The following GALNT3 variants were observed in gnomAD, a reference collection of about 807,000 sequenced individuals.
GALNT3 encodes the protein polypeptide N-acetylgalactosaminyltransferase 3.
A neutral mutation model predicts 69.8 loss-of-function variants in GALNT3; 51 were observed. The ratio of observed to expected loss-of-function variants is 0.73; its 90% CI spans 0.58 to 0.92. The LOEUF is 0.92. Among genes scored for constraint, GALNT3 ranks in the 40% least tolerant of loss-of-function variants. The pLI is 0.00. For missense variants in GALNT3, 711 were observed against 760.0 expected (o/e 0.94, Z 0.76); for synonymous variants, 265 against 248.5 (o/e 1.07, Z -0.63).
At chr2:165,753,047 GGC>G (rs1688381565) in intron 9 of GALNT3, among the ~76,000 whole-genome samples, 2 of 152,076 alleles carry the variant, frequency 1.3e-5, no homozygotes, top group Non-Finnish European at 2.9e-5. Context: ...CACCAGCTCT[GGC>G]TTCTGGGCAT....
In GALNT3 at chr2:165,749,779, G is replaced by C. The variant is rs1158946188; in HGVS notation, c.1742C>G (p.Thr581Arg). 6.2e-7 allele frequency: 1 copy of C among 1,613,572 alleles called. No homozygotes were observed. Among genetic ancestry groups the C allele is most frequent in the South Asian group, 1.1e-5 (1 of 91,072 alleles). ...CCATATCTGCTCTCCAGTGACAACTGTCTTGTGACCTTTGTAGGTACATGC... is the reference window on the plus strand; with the variant it reads ...CCATATCTGCTCTCCAGTGACAACTCTCTTGTGACCTTTGTAGGTACATGC... ...LKACTYKGHK[T>R]VVTGEQIWEI... The change falls in exon 10 of 11, where the codon ACA becomes AGA. Residue 581 changes from threonine (T) to arginine (R), a missense_variant. Coordinates refer to ENST00000392701, the MANE Select transcript of GALNT3 (RefSeq NM_004482.4).
intron 1 of GALNT3, among the ~76,000 whole-genome samples, chr2:165,778,760 T>G (rs2105223271): frequency 6.6e-6 from 1 of 152,282 alleles, no homozygotes; most frequent in African/African-American, 2.4e-5. Context: ...TAGAACTAGC[T>G]AGGTGCTGAG....
chr2:165,761,618 A>T, intron 4 of GALNT3: 1 of 294,092 alleles, frequency 3.4e-6, no homozygotes, highest in Non-Finnish European at 6.0e-6. Flanking sequence ...AGAAACATGG[A>T]AAAAAAAAAA....
intron 2 of GALNT3, among the ~76,000 whole-genome samples, chr2:165,768,825 G>A (rs568267742): frequency 4.6e-5 from 6 of 130,184 alleles, no homozygotes; most frequent in South Asian, 2.4e-4. Context: ...ATGGAGTTTC[G>A]TTCTTGTCGC....
At chr2:165,785,751 G>A (rs1683206394) in intron 1 of GALNT3, among the ~76,000 whole-genome samples, 1 of 152,010 alleles carries the variant, frequency 6.6e-6, no homozygotes, top group Non-Finnish European at 1.5e-5. Context: ...AAGAAATTCC[G>A]AACAACCACC....
At chr2:165,792,324 G>A (rs1305414814) in intron 1 of GALNT3, among the ~76,000 whole-genome samples, 1 of 152,214 alleles carries the variant, frequency 6.6e-6, no homozygotes, top group Non-Finnish European at 1.5e-5. Context: ...AGGAAAGACA[G>A]TCTGGTAACA....
rs1331366824 is a variant in GALNT3 at position 165,775,028 on chromosome 2, T to G, written c.-108-4220A>C. Among the ~76,000 whole-genome samples, 3 of 151,442 alleles carry G rather than the reference T, an allele frequency of 2.0e-5. No individual in the cohort carries two copies. The East Asian group carries it at 5.9e-4, about 30-fold the overall frequency. ...TCTCAGCCTCCCAACGTGCTGGGAT[T>G]ACAGCCATGAGCTACTGCGCCTAGC... On this transcript the variant is annotated intron_variant, in intron 1 of 10. Transcript: ENST00000392701.
intron 4 of GALNT3, among the ~76,000 whole-genome samples, chr2:165,760,774 A>G (rs549589456): frequency 6.6e-5 from 10 of 152,294 alleles, no homozygotes; most frequent in African/African-American, 2.2e-4. Context: ...GCACTGGCCA[A>G]TTCAAAGCTA....
At chr2:165,756,413 T>C (rs1207201153) in intron 7 of GALNT3, among the ~76,000 whole-genome samples, 5 of 152,302 alleles carry the variant, frequency 3.3e-5, no homozygotes, top group African/African-American at 9.6e-5. Flanking sequence ...AAGAGTACCA[T>C]ATATTTGTTA....
Position 165,748,476 on chromosome 2 carries a change from C to T in GALNT3, c.*305G>A. 2 of 403,626 alleles carry T rather than the reference C, an allele frequency of 5.0e-6. No individual in the cohort carries two copies. The highest frequency in any genetic ancestry group is 4.6e-6 in the Non-Finnish European group (1 of 218,430). The allele number at this position is 403,626 out of a possible 1,614,324, so 25.0% of individuals were successfully genotyped here. A position where few individuals can be genotyped will look rare whatever the true frequency, so the allele number is the denominator to read the frequency against. ...GTGAATGTAGCTATATATATATATC[C>T]CTAAGTGTACAAAACACACAAACAT... On this transcript the variant is annotated 3_prime_UTR_variant, in exon 11 of 11. Coordinates refer to ENST00000392701, the MANE Select transcript of GALNT3 (RefSeq NM_004482.4).
Position 165,748,679 on chromosome 2 carries a change from C to T in GALNT3, c.*102G>A. On this transcript the variant is annotated 3_prime_UTR_variant, in exon 11 of 11. Coordinates refer to ENST00000392701, the MANE Select transcript of GALNT3 (RefSeq NM_004482.4). ...AGAAAAATGCACTTGGAATAAGTTA[C>T]ATTTAGCTGCTTTTGCATAATTTTC... 3 of 1,083,684 alleles carry T rather than the reference C, an allele frequency of 2.8e-6. No homozygotes were observed. Among genetic ancestry groups the T allele is most frequent in the South Asian group, 1.4e-5 (1 of 72,956 alleles). The allele number at this position is 1,083,684 out of a possible 1,614,324, so 67.1% of individuals were successfully genotyped here.
intron 1 of GALNT3, among the ~76,000 whole-genome samples, chr2:165,791,095 T>A (rs1460259760): frequency 5.3e-5 from 8 of 152,128 alleles, no homozygotes; most frequent in Non-Finnish European, 1.2e-4. Flanking sequence ...TAACACAAAA[T>A]ATGTATAATG....
intron 3 of GALNT3, among the ~76,000 whole-genome samples, chr2:165,764,388 CTTCTTATAATCAAT>C (rs1310570786): frequency 5.9e-5 from 9 of 152,236 alleles, no homozygotes; most frequent in Non-Finnish European, 1.2e-4. Context: ...CAATTGGATT[CTTCTTATAATCAAT>C]TTCTTATAAT....
At chr2:165,756,193 G>A (rs1573997462) in intron 7 of GALNT3, among the ~76,000 whole-genome samples, 1 of 152,038 alleles carries the variant, frequency 6.6e-6, no homozygotes, top group Non-Finnish European at 1.5e-5. Context: ...TGATACCCTT[G>A]ACTCCCAATA....
Position 165,758,603 on chromosome 2 carries a change from C to A in GALNT3, c.1191+144G>T, listed in dbSNP as rs1573998930. The A allele has an allele frequency of 2.8e-5, 17 of 608,136 alleles. 1 individual carries two copies. Among genetic ancestry groups the A allele is most frequent in the Middle Eastern group, 4.5e-4 (1 of 2,210 alleles). The allele number at this position is 608,136 out of a possible 1,614,324, so 37.7% of individuals were successfully genotyped here. On this transcript the variant is annotated intron_variant, in intron 6 of 10. Transcript: ENST00000392701. ...AAGTTACATATTAAAAGAAAATATT[C>A]TTATTCCAAAATTTCCAGCAATTAA...
At position 165,770,256 on chromosome 2, in the gene GALNT3, A is replaced by T; in HGVS notation, c.445T>A (p.Cys149Ser). 1 of 1,614,188 alleles carries T rather than the reference A, an allele frequency of 6.2e-7. No homozygotes were observed. Among genetic ancestry groups the T allele is most frequent in the East Asian group, 2.2e-5 (1 of 44,884 alleles). ...CTGTCACTTGCGAAAGCATTAAAGC[A>T]GTGTTTAGCTTCCCCACGTTCCTTT... Reference protein sequence around the residue: ...KEKERGEAKHCFNAFASDRIS... With the variant: ...KEKERGEAKHSFNAFASDRIS... Residue 149 changes from cysteine to serine, a missense_variant, in exon 2 of 11, where the codon TGC becomes AGC. Coordinates refer to ENST00000392701, the MANE Select transcript of GALNT3 (RefSeq NM_004482.4).
chr2:165,765,429 TTTC>T (rs1345303020), intron 2 of GALNT3, among the ~76,000 whole-genome samples: 1 of 152,182 alleles, frequency 6.6e-6, no homozygotes, highest in African/African-American at 2.4e-5. Flanking sequence ...AAACCAAATT[TTTC>T]TTATTTCATG....
chr2:165,789,360 C>A (rs1053786363), intron 1 of GALNT3, among the ~76,000 whole-genome samples: 2 of 152,168 alleles, frequency 1.3e-5, no homozygotes, highest in Non-Finnish European at 2.9e-5. Flanking sequence ...ACACACGAGG[C>A]CAAGGCCCTC....
At position 165,770,839 on chromosome 2, in the gene GALNT3, A is replaced by G. The variant is rs1688740454; in HGVS notation, c.-108-31T>C. On this transcript the variant is annotated intron_variant, in intron 1 of 10. Coordinates refer to ENST00000392701, the MANE Select transcript of GALNT3 (RefSeq NM_004482.4). ...AACAGAAATGATCGATGGTATTAGT[A>G]GCTATTCAGTCCTACAGGCATGGCT... 1.3e-5 allele frequency: 12 copies of G among 900,558 alleles called. No homozygotes were observed. The East Asian group carries it at 2.9e-4, about 22-fold the overall frequency. 55.8% of individuals were successfully genotyped at this position (900,558 alleles called of 1,614,324 possible).
Sources: gnomAD v4.1 joint callset for allele counts (sites outside exome capture counted in the v4.1 genomes callset) on GRCh38, gnomAD v4.1.1 for gene constraint, MANE v1.5 for transcripts, NCBI Gene and HGNC (gene_info 2026-07-23, HGNC 2026-07-21) for gene names.